Variants in ERI1 observed in about 807,000 individuals in gnomAD.
ERI1 encodes exoribonuclease 1, also known as 3'-5' exoribonuclease 1.
In ERI1, 39 loss-of-function variants were observed where a neutral mutation model predicts 39.7. The observed-to-expected ratio is 0.98, with a 90% confidence interval of 0.76 to 1.28. ERI1 has a LOEUF of 1.28. ERI1 is among the 50% of genes most tolerant of loss of function. The pLI is 0.00. For missense variants in ERI1, 581 were observed against 416.9 expected (o/e 1.39, Z -3.43); for synonymous variants, 204 against 149.6 (o/e 1.36, Z -2.65).
chr8:9,087,373 G>C (rs995058569), intron 3 of ERI1, among the ~76,000 whole-genome samples: 1 of 148,798 alleles, frequency 6.7e-6, no homozygotes, highest in African/African-American at 2.5e-5. Context: ...AGCCTCCCTA[G>C]TAACTGTGGA....
At chr8:9,076,310 C>T (rs951936388) in intron 3 of ERI1, among the ~76,000 whole-genome samples, 2 of 152,168 alleles carry the variant, frequency 1.3e-5, no homozygotes, top group Non-Finnish European at 2.9e-5. Context: ...TCCCCTAAAA[C>T]TACGGTACAG....
At chr8:9,039,874 C>G (rs1415653356) in intron 3 of ERI1, among the ~76,000 whole-genome samples, 3 of 152,084 alleles carry the variant, frequency 2.0e-5, no homozygotes, top group African/African-American at 4.8e-5. Flanking sequence ...AAATATTTCA[C>G]AAAATGATTG....
chr8:9,034,353 G>T (rs1349321252), downstream of ERI1, among the ~76,000 whole-genome samples: 1 of 151,854 alleles, frequency 6.6e-6, no homozygotes, highest in African/African-American at 2.4e-5. Flanking sequence ...ATACTATTTT[G>T]TTTTGTTTTG....
intron 6 of ERI1, among the ~76,000 whole-genome samples, chr8:9,025,641 AATAAAG>A (rs2117277131): frequency 6.6e-6 from 1 of 152,132 alleles, no homozygotes; most frequent in African/African-American, 2.4e-5. Context: ...GCCTTTGTTT[AATAAAG>A]TTAATAACTC....
chr8:9,089,317 C>G (rs1008373887), intron 3 of ERI1, among the ~76,000 whole-genome samples: 1 of 152,138 alleles, frequency 6.6e-6, no homozygotes, highest in East Asian at 1.9e-4. Flanking sequence ...GTTGCCCAGG[C>G]TGGTCTTGAA....
At chr8:9,029,645 G>C (rs1797444263) in intron 6 of ERI1, 147 bp from the exon 7 acceptor site, 1 of 980,076 alleles carries the variant, frequency 1.0e-6, no homozygotes, top group South Asian at 1.7e-5. Context: ...TTTTTTATTT[G>C]CCTTATTTGA....
intron 1 of ERI1, among the ~76,000 whole-genome samples, chr8:9,005,574 G>T (rs1815910376): frequency 6.6e-6 from 1 of 150,516 alleles, no homozygotes; most frequent in Non-Finnish European, 1.5e-5. Flanking sequence ...GAGTGCAGCG[G>T]CTCAGTCTCG....
chr8:9,076,100 C>T (rs573159351), intron 3 of ERI1, among the ~76,000 whole-genome samples: 3 of 152,132 alleles, frequency 2.0e-5, no homozygotes, highest in Non-Finnish European at 4.4e-5. Context: ...CCATGCCCAG[C>T]TAATTTTTGC....
chr8:9,045,066 T>C (rs1798134203), intron 3 of ERI1, among the ~76,000 whole-genome samples: 1 of 151,720 alleles, frequency 6.6e-6, no homozygotes, highest in Non-Finnish European at 1.5e-5. Context: ...TGAAACCCTG[T>C]CTCTACAAAA....
chr8:9,034,626 C>T (rs1202786541), downstream of ERI1, among the ~76,000 whole-genome samples: 4 of 152,076 alleles, frequency 2.6e-5, no homozygotes, highest in Non-Finnish European at 5.9e-5. Context: ...TTTTCCCCAT[C>T]GCTCCCTCTC....
intron 3 of ERI1, among the ~76,000 whole-genome samples, chr8:9,041,713 C>T (rs1798025558): frequency 6.6e-6 from 1 of 152,168 alleles, no homozygotes; most frequent in South Asian, 2.1e-4. Flanking sequence ...TATAGCAATA[C>T]GTGGCTGCAT....
At chr8:9,095,990 C>T (rs1016915460) in intron 3 of ERI1, among the ~76,000 whole-genome samples, 9 of 152,116 alleles carry the variant, frequency 5.9e-5, no homozygotes, top group Admixed American at 1.3e-4. Context: ...ATCCCCCTTG[C>T]GTCATAGGCT....
chr8:9,066,038 C>T (rs1425645957), intron 3 of ERI1, among the ~76,000 whole-genome samples: 1 of 152,054 alleles, frequency 6.6e-6, no homozygotes, highest in East Asian at 1.9e-4. Flanking sequence ...CTATCCTCCT[C>T]ATCTTCTGCT....
chr8:9,029,628 G>C (rs538850136), intron 6 of ERI1, among the ~76,000 whole-genome samples, 164 bp from the exon 7 acceptor site: 15 of 152,256 alleles, frequency 9.9e-5, no homozygotes, highest in Non-Finnish European at 2.1e-4. Flanking sequence ...ACCTTGCCTG[G>C]CCTGAATTTT....
At chr8:9,034,129 A>C (rs113182969), downstream of ERI1, among the ~76,000 whole-genome samples, 1 of 152,212 alleles carries the variant, frequency 6.6e-6, no homozygotes, top group Non-Finnish European at 1.5e-5. Context: ...TTGACTGATG[A>C]AGAGTTGGAA....
chr8:9,093,686 G>A (rs1799783117), intron 3 of ERI1, among the ~76,000 whole-genome samples: 1 of 152,126 alleles, frequency 6.6e-6, no homozygotes, highest in Non-Finnish European at 1.5e-5. Flanking sequence ...TCCTTCCTCA[G>A]CCTCCTGAGT....
rs576677715 is a variant in ERI1, at chr8:9,040,607, A to G, written n.299+20143A>G. Among the ~76,000 whole-genome samples the G allele has an allele frequency of 7.1e-4, 108 of 152,270 alleles. No individual in the cohort carries two copies. In the South Asian group the frequency reaches 0.018, roughly 25 times the overall value. ...TTACCCTTGCTGAGGCACCCCTTAG[A>G]AGGTTTCAAGGTGGCCCTAGGGTTA... On this transcript the variant is annotated intron_variant and non_coding_transcript_variant, in intron 3 of 3. Coordinates refer to the ERI1 transcript ENST00000518663.
chr8:9,064,820 C>G (rs1798822885), intron 3 of ERI1, among the ~76,000 whole-genome samples: 1 of 152,126 alleles, frequency 6.6e-6, no homozygotes, highest in Non-Finnish European at 1.5e-5. Context: ...GAAGAGACCA[C>G]CAAACAGGCT....
intron 3 of ERI1, among the ~76,000 whole-genome samples, chr8:9,014,268 C>G (rs1334336182): frequency 6.6e-6 from 1 of 152,216 alleles, no homozygotes; most frequent in Non-Finnish European, 1.5e-5. Flanking sequence ...TTTTCTTAGC[C>G]AGAAGTCTTG....
Sources: allele counts gnomAD v4.1 joint callset (sites outside exome capture counted in the v4.1 genomes callset), GRCh38; gene constraint gnomAD v4.1.1; transcripts MANE v1.5; gene names NCBI Gene and HGNC (gene_info 2026-07-23, HGNC 2026-07-21).